Variants in RARB observed in about 807,000 individuals in gnomAD.
The protein encoded by RARB is HBV-activated protein.
Under a neutral mutation model 51.9 loss-of-function variants are expected in RARB, and 17 were observed. The ratio of observed to expected loss-of-function variants is 0.33; its 90% CI spans 0.22 to 0.49. The LOEUF is 0.49. Among genes scored for constraint, RARB ranks in the 20% least tolerant of loss-of-function variants. The pLI is 0.99. For missense variants in RARB, 369 were observed against 550.8 expected (o/e 0.67, Z 3.30); for synonymous variants, 215 against 195.4 (o/e 1.10, Z -0.84).
intron 3 of RARB, among the ~76,000 whole-genome samples, chr3:25,553,346 A>T (rs1699922896): frequency 6.6e-6 from 1 of 152,230 alleles, no homozygotes; most frequent in African/African-American, 2.4e-5. Context: ...ACAGGGGAGC[A>T]GAGAACTTTT....
chr3:24,880,683 A>G (rs768064334), intron 2 of RARB, among the ~76,000 whole-genome samples: 3 of 152,140 alleles, frequency 2.0e-5, no homozygotes, highest in Non-Finnish European at 4.4e-5. Flanking sequence ...GACTCCAATG[A>G]TAACATATCT....
At chr3:25,595,120 C>A (rs558890799) in intron 7 of RARB, among the ~76,000 whole-genome samples, 2 of 152,198 alleles carry the variant, frequency 1.3e-5, no homozygotes, top group Non-Finnish European at 2.9e-5. Context: ...CTGCACACTT[C>A]TAAGCAAAGG....
chr3:24,845,305 T>C (rs1229882870), intron 1 of RARB, among the ~76,000 whole-genome samples: 1 of 152,126 alleles, frequency 6.6e-6, no homozygotes, highest in Non-Finnish European at 1.5e-5. Context: ...AAATGTGACG[T>C]GATATGTAGA....
chr3:25,076,151 T>C (rs372309893), intron 3 of RARB, among the ~76,000 whole-genome samples: 8 of 152,050 alleles, frequency 5.3e-5, no homozygotes, highest in Non-Finnish European at 1.2e-4. Flanking sequence ...TATTTATTTT[T>C]TTTTTTTTTA....
intron 5 of RARB, among the ~76,000 whole-genome samples, chr3:25,180,172 T>A (rs1700833695): frequency 6.6e-6 from 1 of 152,180 alleles, no homozygotes; most frequent in Non-Finnish European, 1.5e-5. Flanking sequence ...ACCTTCAAGT[T>A]ACTTCTGCCA....
intron 4 of RARB, among the ~76,000 whole-genome samples, chr3:25,169,383 A>G (rs1700607402): frequency 6.6e-6 from 1 of 152,238 alleles, no homozygotes; most frequent in Non-Finnish European, 1.5e-5. Context: ...CATTTATCAC[A>G]TGACATGCCA....
chr3:25,200,951 T>C (rs1003158565), intron 5 of RARB, among the ~76,000 whole-genome samples: 2 of 152,186 alleles, frequency 1.3e-5, no homozygotes, highest in Non-Finnish European at 2.9e-5. Flanking sequence ...ATATGAAGTG[T>C]AAAGTAGTTT....
chr3:25,080,252 G>T (rs569934486), intron 3 of RARB, among the ~76,000 whole-genome samples: 83 of 152,312 alleles, frequency 5.4e-4, no homozygotes, highest in Middle Eastern at 3.4e-3. Flanking sequence ...TTTGGAGCAT[G>T]TATCAGAGCT....
At chr3:25,486,432 A>C (rs1286659) in intron 2 of RARB, among the ~76,000 whole-genome samples, 125,825 of 151,888 alleles carry the variant, frequency 0.83, 53,321 homozygotes, top group South Asian at 0.98. Context: ...GAAGTCACTT[A>C]AGCCACCCTA....
At chr3:25,028,544 A>C (rs1354344083) in intron 2 of RARB, among the ~76,000 whole-genome samples, 1 of 152,162 alleles carries the variant, frequency 6.6e-6, no homozygotes, top group African/African-American at 2.4e-5. Flanking sequence ...TAGGGAGAGA[A>C]GCATGTTAGT....
intron 2 of RARB, among the ~76,000 whole-genome samples, chr3:24,866,534 T>TG (rs142750191): frequency 6.6e-6 from 1 of 151,948 alleles, no homozygotes; most frequent in Non-Finnish European, 1.5e-5. Context: ...ATAGGCTTCG[T>TG]GGGGGGAATG....
intron 5 of RARB, among the ~76,000 whole-genome samples, chr3:25,220,623 C>G (rs1701926611): frequency 6.6e-6 from 1 of 152,148 alleles, no homozygotes; most frequent in African/African-American, 2.4e-5. Context: ...TTTGGTAGTT[C>G]CTTCTGCATT....
chr3:25,413,911 T>C (rs1483828), intron 5 of RARB, among the ~76,000 whole-genome samples: 95,171 of 152,038 alleles, frequency 0.63, 30,094 homozygotes, highest in East Asian at 0.82. Context: ...GTAATTGACA[T>C]TCAATAAACT....
intron 5 of RARB, among the ~76,000 whole-genome samples, chr3:25,591,154 A>G (rs1427627563): frequency 6.6e-6 from 1 of 152,250 alleles, no homozygotes; most frequent in Non-Finnish European, 1.5e-5. Flanking sequence ...AAATGAAGAG[A>G]GATCATGGTA....
chr3:25,192,867 A>G (rs1356424383), intron 5 of RARB, among the ~76,000 whole-genome samples: 1 of 151,778 alleles, frequency 6.6e-6, no homozygotes, highest in African/African-American at 2.4e-5. Context: ...GTAGACAAAC[A>G]CTCCCTGAGT....
chr3:25,429,172 G>C (rs968604474), intron 1 of RARB, among the ~76,000 whole-genome samples: 2 of 152,152 alleles, frequency 1.3e-5, no homozygotes, highest in Non-Finnish European at 2.9e-5. Flanking sequence ...AATGTGGGGG[G>C]TGGGGAGTAG....
chr3:25,119,656 AAACAAAAAAAAAACAAC>A (rs1395827790), intron 3 of RARB, among the ~76,000 whole-genome samples: 1 of 149,734 alleles, frequency 6.7e-6, no homozygotes, highest in Non-Finnish European at 1.5e-5. Flanking sequence ...TAAAACAAAC[AAACAAAAAAAAAACAAC>A]AACAAAAAAA....
chr3:25,000,698 A>G (rs972568454), intron 2 of RARB, among the ~76,000 whole-genome samples: 2 of 152,148 alleles, frequency 1.3e-5, no homozygotes, highest in Non-Finnish European at 1.5e-5. Flanking sequence ...TTCATTCATC[A>G]TCTGAGGCCT....
rs139012106 is a variant in RARB at position 25,128,762 on chromosome 3, G to C, written c.-327-3399G>C. Among the ~76,000 whole-genome samples, 19 of 151,710 alleles carry C rather than the reference G, an allele frequency of 1.3e-4. No homozygotes were observed. The East Asian group carries it at 2.1e-3, about 17-fold the overall frequency. On this transcript the variant is annotated intron_variant, in intron 3 of 11. Transcript: ENST00000383772. ...TCAATGAAAACAACTAAATATTCTGGGAGAGTTTTAGGTTAATCACTGAAA... is the reference window on the plus strand; with the variant it reads ...TCAATGAAAACAACTAAATATTCTGCGAGAGTTTTAGGTTAATCACTGAAA...
Sources: allele counts gnomAD v4.1 joint callset (sites outside exome capture counted in the v4.1 genomes callset), GRCh38; gene constraint gnomAD v4.1.1; transcripts MANE v1.5; gene names NCBI Gene and HGNC (gene_info 2026-07-23, HGNC 2026-07-21).